The following LMO7 variants were observed in gnomAD, a reference collection of about 807,000 sequenced individuals.
LMO7 encodes the protein LIM domain 7, also known as LIM domain only protein 7.
A neutral mutation model predicts 206.5 loss-of-function variants in LMO7; 120 were observed. The ratio of observed to expected loss-of-function variants is 0.58; its 90% CI spans 0.50 to 0.68. LMO7 has a LOEUF of 0.68. Among genes scored for constraint, LMO7 ranks in the 30% least tolerant of loss-of-function variants. LMO7 has a pLI of 0.00. For missense variants in LMO7, 1,959 were observed against 1,957.9 expected, an observed-to-expected ratio of 1.00 and a Z score of -0.01; for synonymous variants, 706 against 681.5, an observed-to-expected ratio of 1.04 and a Z score of -0.56.
intron 5 of LMO7, among the ~76,000 whole-genome samples, 188 bp from the exon 6 acceptor site, chr13:75,796,448 G>A (rs2054022307): frequency 6.6e-6 from 1 of 152,112 alleles, no homozygotes; most frequent in Non-Finnish European, 1.5e-5. Flanking sequence ...TCAGAGACAG[G>A]AAAATTTAGC....
At chr13:75,835,377 T>C (rs1453007854) in intron 18 of LMO7, 38 bp downstream of exon 18, 1 of 1,340,602 alleles carries the variant, frequency 7.5e-7, no homozygotes. Flanking sequence ...TGGTGTGGAG[T>C]AAAGCAGCTG....
chr13:75,809,859 T>C (rs2056100101), intron 11 of LMO7, among the ~76,000 whole-genome samples: 1 of 137,676 alleles, frequency 7.3e-6, no homozygotes, highest in African/African-American at 2.8e-5. Context: ...TGAGATGGAG[T>C]CTCGCTCTGT....
Position 75,805,713 on chromosome 13 carries a change from A to T in LMO7, c.1149A>T (p.Ile383=). ...WTPEDVNWKR[I]KRETYKPWYK... is the part of the protein sequence containing the mutation. ...CAGAAGATGTGAACTGGAAAAGAATAAAAAGGGAAACTTATAAGCCATGGT... is the reference window on the plus strand; with the variant it reads ...CAGAAGATGTGAACTGGAAAAGAATTAAAAGGGAAACTTATAAGCCATGGT... The change falls in exon 9 of 31, where the codon ATA becomes ATT. Residue 383 remains isoleucine, a synonymous_variant. Transcript: ENST00000377534. 6.2e-7 allele frequency: 1 copy of T among 1,614,022 alleles called. No homozygotes were observed. The highest frequency in any genetic ancestry group is 1.1e-5 in the South Asian group (1 of 91,068).
At chr13:75,673,785 A>G (rs2039786946) in intron 1 of LMO7, among the ~76,000 whole-genome samples, 1 of 152,232 alleles carries the variant, frequency 6.6e-6, no homozygotes, top group Non-Finnish European at 1.5e-5. Context: ...GCTTATTGAG[A>G]AAAATCCAGA....
intron 1 of LMO7, among the ~76,000 whole-genome samples, chr13:75,673,251 A>C (rs562961963): frequency 6.6e-6 from 1 of 152,188 alleles, no homozygotes; most frequent in African/African-American, 2.4e-5. Flanking sequence ...ACTACAAATC[A>C]TCTACTTGAT....
rs2057843913 is a variant in LMO7 at position 75,823,887 on chromosome 13, A to C, written c.2949+14A>C. On this transcript the variant is annotated intron_variant, in intron 15 of 30. Coordinates refer to ENST00000377534, the MANE Select transcript of LMO7 (RefSeq NM_001306080.2). Reference sequence around the variant, plus strand: ...TCAAGATCCCAGGTGAGTTTGGAAAAGTTCTTTATCATCTGTGGCTCAGAC... The same window carrying C: ...TCAAGATCCCAGGTGAGTTTGGAAACGTTCTTTATCATCTGTGGCTCAGAC... The C allele has an allele frequency of 6.2e-7, 1 of 1,605,984 alleles. No homozygotes were observed. Among genetic ancestry groups the C allele is most frequent in the East Asian group, 2.2e-5 (1 of 44,762 alleles).
intron 4 of LMO7, among the ~76,000 whole-genome samples, chr13:75,791,830 G>A (rs1189168657): frequency 6.6e-6 from 1 of 152,114 alleles, no homozygotes; most frequent in African/African-American, 2.4e-5. Flanking sequence ...TGATCATAGT[G>A]TAGAGTAAGG....
chr13:75,849,815 A>G (rs983389821), intron 27 of LMO7, among the ~76,000 whole-genome samples: 4 of 152,204 alleles, frequency 2.6e-5, no homozygotes, highest in African/African-American at 9.6e-5. Flanking sequence ...GAACATTTTA[A>G]AAGATGTATC....
chr13:75,676,003 G>GT (rs1205196926), intron 1 of LMO7, among the ~76,000 whole-genome samples: 28 of 152,194 alleles, frequency 1.8e-4, no homozygotes, highest in African/African-American at 6.5e-4. Context: ...AAAACTGCAC[G>GT]TTTGTAAAAG....
intron 1 of LMO7, among the ~76,000 whole-genome samples, chr13:75,667,118 G>T (rs2039142801): frequency 6.6e-6 from 1 of 152,108 alleles, no homozygotes; most frequent in African/African-American, 2.4e-5. Flanking sequence ...CATTGTCTCT[G>T]ATGAGAAGTA....
At chr13:75,781,397 G>C (rs919991561) in intron 4 of LMO7, among the ~76,000 whole-genome samples, 23 of 147,534 alleles carry the variant, frequency 1.6e-4, no homozygotes, top group African/African-American at 5.5e-4. Context: ...TTGTTCTTGC[G>C]ATAGTTTACT....
At chr13:75,834,711 A>G (rs1002948653) in intron 17 of LMO7, among the ~76,000 whole-genome samples, 4 of 152,190 alleles carry the variant, frequency 2.6e-5, no homozygotes, top group African/African-American at 7.2e-5. Flanking sequence ...GAATTATGCT[A>G]TGATTTAACT....
chr13:75,796,788 A>G (rs372040238), intron 6 of LMO7, 39 bp downstream of exon 6: 1 of 1,190,234 alleles, frequency 8.4e-7, no homozygotes, highest in Non-Finnish European at 1.3e-6. Context: ...CTGCTGTAAT[A>G]CAGTATCACT....
At chr13:75,821,787 T>A (rs2057596225) in intron 14 of LMO7, among the ~76,000 whole-genome samples, 178 bp downstream of exon 14, 1 of 152,232 alleles carries the variant, frequency 6.6e-6, no homozygotes, top group South Asian at 2.1e-4. Context: ...ATATCAATGA[T>A]ACAGAATTTA....
chr13:75,800,516 A>G (rs377170472), intron 6 of LMO7, among the ~76,000 whole-genome samples, 168 bp from the exon 7 acceptor site: 189 of 152,236 alleles, frequency 1.2e-3, no homozygotes, highest in Middle Eastern at 6.8e-3. Flanking sequence ...TTACAAATTT[A>G]TTTTCTGTTT....
chr13:75,789,797 T>C lies in LMO7; in HGVS notation c.318-5604T>C, dbSNP rs139907244. 1.2e-4 allele frequency among the ~76,000 whole-genome samples: 19 copies of C among 152,334 alleles called. No homozygotes were observed. In the East Asian group the frequency reaches 3.7e-3, roughly 29 times the overall value. On this transcript the variant is annotated intron_variant, in intron 4 of 30. Coordinates refer to ENST00000377534, the MANE Select transcript of LMO7 (RefSeq NM_001306080.2). ...TTTAGAAATATTTTTGATGCAGCCCTAGCCCTAGAACATAATTGGCTGGTG... is the reference window on the plus strand; with the variant it reads ...TTTAGAAATATTTTTGATGCAGCCCCAGCCCTAGAACATAATTGGCTGGTG...
chr13:75,677,268 C>T (rs1413898821), intron 1 of LMO7, among the ~76,000 whole-genome samples: 7 of 152,146 alleles, frequency 4.6e-5, no homozygotes, highest in African/African-American at 1.7e-4. Flanking sequence ...TTTATGGTTT[C>T]TAAAATTGCA....
chr13:75,795,722 G>C (rs1174920962), intron 5 of LMO7, among the ~76,000 whole-genome samples: 2 of 152,160 alleles, frequency 1.3e-5, no homozygotes, highest in African/African-American at 2.4e-5. Flanking sequence ...CAAAGGACAT[G>C]ATCTTGTTTC....
At chr13:75,856,652 G>A in intron 30 of LMO7, 44 bp downstream of exon 30, 1 of 1,159,878 alleles carries the variant, frequency 8.6e-7, no homozygotes, top group Non-Finnish European at 1.3e-6. Context: ...CTTTTAAGGA[G>A]GCCACGGGTT....
Sources: gnomAD v4.1 joint callset for allele counts (sites outside exome capture counted in the v4.1 genomes callset) on GRCh38, gnomAD v4.1.1 for gene constraint, MANE v1.5 for transcripts, NCBI Gene and HGNC (gene_info 2026-07-23, HGNC 2026-07-21) for gene names.